The following CLN6 variants were observed in gnomAD, a reference collection of about 807,000 sequenced individuals.
The protein encoded by CLN6 is CLN6 transmembrane ER protein.
In CLN6, 22 loss-of-function variants were observed where a neutral mutation model predicts 33.3. The observed-to-expected ratio is 0.66, with a 90% CI of 0.47 to 0.94. The LOEUF (loss-of-function observed/expected upper bound fraction) is 0.94. CLN6 is among the 40% of genes least tolerant of loss of function. The pLI, the probability that CLN6 is intolerant of heterozygous loss-of-function variation, is 0.00. For missense variants in CLN6, 387 were observed against 417.1 expected, an observed-to-expected ratio of 0.93 and a Z score of 0.63; for synonymous variants, 201 against 174.6, an observed-to-expected ratio of 1.15 and a Z score of -1.19.
chr15:68,244,667 C>T (rs1452041398), intron 1 of CLN6, among the ~76,000 whole-genome samples: 1 of 152,044 alleles, frequency 6.6e-6, no homozygotes, highest in Admixed American at 6.5e-5. Flanking sequence ...CCAGAATACT[C>T]CAATACTCTA....
At chr15:68,232,654 T>C (rs1318413447), upstream of CLN6, among the ~76,000 whole-genome samples, 2 of 152,196 alleles carry the variant, frequency 1.3e-5, no homozygotes, top group African/African-American at 4.8e-5. The surrounding 1 kb of genome is among the most constrained non-coding windows in gnomAD (Gnocchi z 4.7). Flanking sequence ...GAGTGAACTT[T>C]GACCAGCAAG....
rs775471805 is a variant in CLN6 at position 68,256,874 on chromosome 15, G to A, written c.-6C>T. ...TTCCCGGCAACGGCTGCCATTTTCCGCCCAGGCAAGGTCCTGGGCGCGGCT... is the reference window on the plus strand; with the variant it reads ...TTCCCGGCAACGGCTGCCATTTTCCACCCAGGCAAGGTCCTGGGCGCGGCT... On this transcript the variant is annotated 5_prime_UTR_variant, in exon 1 of 7. Transcript: ENST00000538696. This position sits in a 1 kb window ranked among gnomAD's most constrained non-coding sequence, Gnocchi z 4.1. 4 of 646,462 alleles carry A rather than the reference G, an allele frequency of 6.2e-6. No individual in the cohort carries two copies. The highest frequency in any genetic ancestry group is 1.8e-5 in the African/African-American group (1 of 55,662). The allele number at this position is 646,462 out of a possible 1,614,324, so 40.0% of individuals were successfully genotyped here. A position where few individuals can be genotyped will look rare whatever the true frequency, so the allele number is the denominator to read the frequency against.
At chr15:68,224,265 CAAAAAAAA>C (rs34196710) in intron 1 of CLN6, among the ~76,000 whole-genome samples, 5 of 46,732 alleles carry the variant, frequency 1.1e-4, no homozygotes, top group African/African-American at 6.3e-4. Flanking sequence ...GACCTTATTG[CAAAAAAAA>C]AAAAAAAAAA....
Position 68,214,339 on chromosome 15 carries a change from T to A in CLN6, c.248A>T (p.Asp83Val). 4 of 1,614,070 alleles carry A rather than the reference T, an allele frequency of 2.5e-6. No individual in the cohort carries two copies. Among genetic ancestry groups the A allele is most frequent in the Non-Finnish European group, 3.4e-6 (4 of 1,179,956 alleles). Residue 83 changes from aspartate to valine, a missense_variant, in exon 3 of 7, where the codon GAC becomes GTC. Asp to Val is a radical substitution (Grantham distance 152, BLOSUM62 -3). Coordinates refer to ENST00000249806, the MANE Select transcript of CLN6 (RefSeq NM_017882.3). ...GACGTTGTAGGCCATGTGGAAGTAG[T>A]CCCCAACACTGGGCTTGTTGAGTGG... ...WFPLNKPSVG[D>V]YFHMAYNVIT...
Position 68,256,879 on chromosome 15 carries a change from G to T in CLN6, c.-11C>A, listed in dbSNP as rs565847383. ...GGCAACGGCTGCCATTTTCCGCCCA[G>T]GCAAGGTCCTGGGCGCGGCTCTGGG... On this transcript the variant is annotated 5_prime_UTR_variant, in exon 1 of 7. Transcript: ENST00000538696. The surrounding 1 kb of genome is among the most constrained non-coding windows in gnomAD (Gnocchi z 4.1). 6.8e-5 allele frequency: 46 copies of T among 676,362 alleles called. No homozygotes were observed. The East Asian group carries it at 1.1e-3, about 17-fold the overall frequency. 41.9% of individuals were successfully genotyped at this position (676,362 alleles called of 1,614,324 possible).
In CLN6 at chr15:68,219,341, C is replaced by T. The variant is rs1424336016; in HGVS notation, c.84-691G>A. ...ACTGAAATGGATAGGGCCTCCTGCT[C>T]GCTTGATTCCAGCACTGTGAGGAGG... is the stretch of plus-strand genomic sequence containing the variant. On this transcript the variant is annotated intron_variant, in intron 1 of 6. Transcript: ENST00000249806. The surrounding 1 kb of genome is among the most constrained non-coding windows in gnomAD (Gnocchi z 4.2). 1.3e-5 allele frequency among the ~76,000 whole-genome samples: 2 copies of T among 152,174 alleles called. No individual in the cohort carries two copies. Among genetic ancestry groups the T allele is most frequent in the Admixed American group, 6.5e-5 (1 of 15,274 alleles).
chr15:68,229,705 G>T lies in CLN6; in HGVS notation c.-121C>A. On this transcript the variant is annotated 5_prime_UTR_variant, in exon 1 of 7. Coordinates refer to ENST00000249806, the MANE Select transcript of CLN6 (RefSeq NM_017882.3). ...GGCGGTTCGGGGCGGGCCGGCGAGA[G>T]CGCGCGGCCCTCGGGAGGAACAGGC... The T allele has an allele frequency of 1.4e-6, 1 of 724,640 alleles. No individual in the cohort carries two copies. Among genetic ancestry groups the T allele is most frequent in the Non-Finnish European group, 2.0e-6 (1 of 512,426 alleles). The allele number at this position is 724,640 out of a possible 1,614,324, so 44.9% of individuals were successfully genotyped here.
rs1001800760 is a variant in CLN6 at position 68,214,598 on chromosome 15, G to A, written c.199-210C>T. ...ACAGGAAAGCTGAGTCCCAGAGGAGGTAACGGACTTGTCCCCAGACACAGA... is the reference window on the plus strand; with the variant it reads ...ACAGGAAAGCTGAGTCCCAGAGGAGATAACGGACTTGTCCCCAGACACAGA... On this transcript the variant is annotated intron_variant, in intron 2 of 6. Transcript: ENST00000249806. 3 of 545,414 alleles carry A rather than the reference G, an allele frequency of 5.5e-6. No homozygotes were observed. The African/African-American group carries it at 5.7e-5, about 10-fold the overall frequency. The allele number at this position is 545,414 out of a possible 1,614,324, so 33.8% of individuals were successfully genotyped here. A position where few individuals can be genotyped will look rare whatever the true frequency, so the allele number is the denominator to read the frequency against.
Position 68,211,554 on chromosome 15 carries a change from A to G in CLN6, c.486+121T>C. ...GCTTGGGGCAGGCGACAGTGCCCTC[A>G]CCTAGCAGAATGCCTTTGGTGAAAG... On this transcript the variant is annotated intron_variant, in intron 4 of 6. Transcript: ENST00000249806. The surrounding 1 kb of genome is among the most constrained non-coding windows in gnomAD (Gnocchi z 5.9). 6.3e-7 allele frequency: 1 copy of G among 1,599,576 alleles called. No individual in the cohort carries two copies. Among genetic ancestry groups the G allele is most frequent in the East Asian group, 2.2e-5 (1 of 44,840 alleles).
At chr15:68,235,875 T>G (rs554081561) in intron 1 of CLN6, among the ~76,000 whole-genome samples, 11 of 152,250 alleles carry the variant, frequency 7.2e-5, no homozygotes, top group Admixed American at 5.9e-4. Context: ...AATATAGCAA[T>G]GAATGAAACA....
chr15:68,234,337 G>A (rs568276727), upstream of CLN6, among the ~76,000 whole-genome samples: 150 of 152,322 alleles, frequency 9.8e-4, no homozygotes, highest in Middle Eastern at 3.4e-3. This position sits in a 1 kb window ranked among gnomAD's most constrained non-coding sequence, Gnocchi z 4.1. Flanking sequence ...AAATTCCCGC[G>A]GAGGGATTCT....
rs1892326753 is a variant in CLN6 at position 68,246,064 on chromosome 15, T to C, written c.179+10626A>G. On this transcript the variant is annotated intron_variant, in intron 1 of 6. Transcript: ENST00000538696. This position sits in a 1 kb window ranked among gnomAD's most constrained non-coding sequence, Gnocchi z 4.5. ...CTCAACACTGGAGCACCCAAGTATATTAAGTAAATATGAATCAACCTAAAG... is the reference window on the plus strand; with the variant it reads ...CTCAACACTGGAGCACCCAAGTATACTAAGTAAATATGAATCAACCTAAAG... 6.6e-6 allele frequency among the ~76,000 whole-genome samples: 1 copy of C among 152,086 alleles called. No homozygotes were observed.
chr15:68,248,854 G>C (rs1180828396), intron 1 of CLN6, among the ~76,000 whole-genome samples: 2 of 152,066 alleles, frequency 1.3e-5, no homozygotes, highest in Admixed American at 6.6e-5. Flanking sequence ...AATCAACTAA[G>C]AGGAGATAGC....
In CLN6 at chr15:68,219,831, G is replaced by A. The variant is rs536419624; in HGVS notation, c.84-1181C>T. Among the ~76,000 whole-genome samples the A allele has an allele frequency of 6.6e-6, 1 of 152,312 alleles. No homozygotes were observed. Among genetic ancestry groups the A allele is most frequent in the East Asian group, 1.9e-4 (1 of 5,174 alleles). ...CCAGCCACATCCTAAGAGGACTGAG[G>A]TGTGGGTTTCATCGTCTCGTTTGTG... On this transcript the variant is annotated intron_variant, in intron 1 of 6. Transcript: ENST00000249806. The surrounding 1 kb of genome is among the most constrained non-coding windows in gnomAD (Gnocchi z 4.2).
Position 68,209,876 on chromosome 15 carries a change from AG to A in CLN6, c.543-118del. On this transcript the variant is annotated intron_variant, in intron 5 of 6. Coordinates refer to ENST00000249806, the MANE Select transcript of CLN6 (RefSeq NM_017882.3). This position sits in a 1 kb window ranked among gnomAD's most constrained non-coding sequence, Gnocchi z 4.9. ...CCACGTCACAGTTTACAAAACGCCT[AG>A]CCTGGGTGAGAGGCGCTCCTCTCCA... 7.0e-7 allele frequency: 1 copy of A among 1,423,146 alleles called. No homozygotes were observed. 88.2% of individuals were successfully genotyped at this position (1,423,146 alleles called of 1,614,324 possible). A position where few individuals can be genotyped will look rare whatever the true frequency, so the allele number is the denominator to read the frequency against.
chr15:68,217,513 A>T (rs1453857708), intron 2 of CLN6, among the ~76,000 whole-genome samples: 2 of 152,228 alleles, frequency 1.3e-5, no homozygotes, highest in Non-Finnish European at 2.9e-5. Flanking sequence ...TATAGGCATG[A>T]GCCACCATGC....
rs1431193056 is a variant in CLN6, at chr15:68,208,066, C to CT, written c.*73dup. ...CTCTGGTTACACACCCACACCCCCC[C>CT]TACTCCTGTATTCAGATGCCCTCCA... is the stretch of plus-strand genomic sequence containing the variant. On this transcript the variant is annotated 3_prime_UTR_variant, in exon 7 of 7. Transcript: ENST00000249806. The surrounding 1 kb of genome is among the most constrained non-coding windows in gnomAD (Gnocchi z 5.8). 1 of 1,505,206 alleles carries CT rather than the reference C, an allele frequency of 6.6e-7. No homozygotes were observed. Among genetic ancestry groups the CT allele is most frequent in the Non-Finnish European group, 9.0e-7 (1 of 1,109,658 alleles). 93.2% of individuals were successfully genotyped at this position (1,505,206 alleles called of 1,614,324 possible).
At chr15:68,237,929 C>T (rs1378195056) in intron 1 of CLN6, among the ~76,000 whole-genome samples, 1 of 151,960 alleles carries the variant, frequency 6.6e-6, no homozygotes, top group African/African-American at 2.4e-5. Flanking sequence ...TCGAGACCAG[C>T]CTGGCCAATA....
intron 1 of CLN6, among the ~76,000 whole-genome samples, chr15:68,240,778 G>A (rs1892273219): frequency 6.6e-6 from 1 of 151,890 alleles, no homozygotes; most frequent in South Asian, 2.1e-4. Flanking sequence ...GAGGTTGGGA[G>A]TTCGAGACCA....
Sources: allele counts gnomAD v4.1 joint callset (sites outside exome capture counted in the v4.1 genomes callset), GRCh38; gene constraint gnomAD v4.1.1; non-coding constraint Gnocchi (gnomAD v3.1); transcripts MANE v1.5; gene names NCBI Gene and HGNC (gene_info 2026-07-23, HGNC 2026-07-21).